ZNF384: variants seen among roughly 807,000 people sequenced by gnomAD.
ZNF384 encodes CAG repeat protein 1.
In ZNF384, 20 loss-of-function variants were observed where a neutral mutation model predicts 65.0. That is an observed-to-expected ratio of 0.31 (90% CI 0.22 to 0.45). The LOEUF is 0.45. ZNF384 is among the 20% of genes least tolerant of loss of function. ZNF384 has a pLI of 1.00. For missense variants in ZNF384, 549 were observed against 769.4 expected (o/e 0.71, Z 3.39); for synonymous variants, 310 against 303.9 (o/e 1.02, Z -0.21).
intron 7 of ZNF384, among the ~76,000 whole-genome samples, chr12:6,675,713 A>G (rs1953250673): frequency 6.6e-6 from 1 of 152,220 alleles, no homozygotes; most frequent in South Asian, 2.1e-4. Context: ...ATGCAATGCA[A>G]TGGCCTTGAT....
intron 2 of ZNF384, among the ~76,000 whole-genome samples, chr12:6,686,497 G>A (rs781565016): frequency 5.3e-5 from 8 of 152,140 alleles, no homozygotes; most frequent in Non-Finnish European, 8.8e-5. Flanking sequence ...CAGGTGATCC[G>A]CTCTCCTCAG....
Position 6,673,547 on chromosome 12 carries a change from T to C in ZNF384, c.780-107A>G. 2.2e-6 allele frequency: 2 copies of C among 890,554 alleles called. No homozygotes were observed. Among genetic ancestry groups the C allele is most frequent in the African/African-American group, 1.7e-5 (1 of 59,486 alleles). The allele number at this position is 890,554 out of a possible 1,614,324, so 55.2% of individuals were successfully genotyped here. ...CCCACCTATCTGAGGTCTCTCCTACTCCAACTTGAGAGTAGAGCTCTATAT... is the reference window on the plus strand; with the variant it reads ...CCCACCTATCTGAGGTCTCTCCTACCCCAACTTGAGAGTAGAGCTCTATAT... On this transcript the variant is annotated intron_variant, in intron 7 of 11. Transcript: ENST00000683879. The surrounding 1 kb of genome is among the most constrained non-coding windows in gnomAD (Gnocchi z 4.7).
chr12:6,677,044 T>C (rs1953912609), intron 7 of ZNF384, 123 bp downstream of exon 7: 4 of 327,696 alleles, frequency 1.2e-5, no homozygotes, highest in South Asian at 7.2e-5. Flanking sequence ...TAACTTTCTT[T>C]TGAAGTTCCC....
At chr12:6,686,028 G>A (rs1592425855) in intron 2 of ZNF384, among the ~76,000 whole-genome samples, 1 of 152,138 alleles carries the variant, frequency 6.6e-6, no homozygotes, top group South Asian at 2.1e-4. Flanking sequence ...ACCATCCAGG[G>A]ATAAAGATGA....
At chr12:6,686,652 G>C (rs1322306910) in intron 2 of ZNF384, among the ~76,000 whole-genome samples, 1 of 152,208 alleles carries the variant, frequency 6.6e-6, no homozygotes, top group Non-Finnish European at 1.5e-5. Context: ...TATCAGGATG[G>C]AGGATGGAAG....
chr12:6,687,564 C>T (rs556312099), intron 2 of ZNF384, among the ~76,000 whole-genome samples: 93 of 152,112 alleles, frequency 6.1e-4, no homozygotes, highest in Non-Finnish European at 1.2e-3. Context: ...TCAGGCTACC[C>T]GAAACTCTTC....
chr12:6,686,760 AAAG>A (rs1305104782), intron 2 of ZNF384, among the ~76,000 whole-genome samples: 1 of 152,224 alleles, frequency 6.6e-6, no homozygotes, highest in African/African-American at 2.4e-5. Context: ...GTGCTCCTGA[AAAG>A]AAGAGTTACA....
intron 11 of ZNF384, 151 bp from the exon 12 acceptor site, chr12:6,668,266 T>A: frequency 1.4e-6 from 1 of 740,640 alleles, no homozygotes. Context: ...CAAGTAGCAC[T>A]TTCAGTGGCT....
chr12:6,678,107 C>T lies in ZNF384; in HGVS notation c.686+20G>A, dbSNP rs747350448. ...AGCCAGGGATCCTCGCCCCATCCTG[C>T]CCCTGGCTCTGAGTCTTACCTGTAG... On this transcript the variant is annotated intron_variant, in intron 6 of 11. Transcript: ENST00000683879. The surrounding 1 kb of genome is among the most constrained non-coding windows in gnomAD (Gnocchi z 4.9). The T allele has an allele frequency of 2.5e-6, 4 of 1,595,518 alleles. No homozygotes were observed. The highest frequency in any genetic ancestry group is 3.4e-6 in the Non-Finnish European group (4 of 1,167,018).
intron 2 of ZNF384, among the ~76,000 whole-genome samples, chr12:6,685,147 AC>A (rs1957444174): frequency 1.3e-5 from 2 of 152,124 alleles, no homozygotes; most frequent in South Asian, 4.2e-4. Flanking sequence ...AAATAGGGAG[AC>A]CCTGTATCTA....
At position 6,673,468 on chromosome 12, in the gene ZNF384, A is replaced by T; in HGVS notation, c.780-28T>A. 1 of 1,600,076 alleles carries T rather than the reference A, an allele frequency of 6.2e-7. No individual in the cohort carries two copies. The highest frequency in any genetic ancestry group is 8.5e-7 in the Non-Finnish European group (1 of 1,170,820). ...GAGCCAAGTGAGGGCAATGGTTAGA[A>T]CCCTTCCCATCAAGAAGGTGTGGCT... On this transcript the variant is annotated intron_variant, in intron 7 of 11. Coordinates refer to ENST00000683879, the MANE Select transcript of ZNF384 (RefSeq NM_001385745.1). The surrounding 1 kb of genome is among the most constrained non-coding windows in gnomAD (Gnocchi z 4.7).
At position 6,682,712 on chromosome 12, in the gene ZNF384, T is replaced by C. The variant is rs115816223; in HGVS notation, c.-5-3187A>G. On this transcript the variant is annotated intron_variant, in intron 2 of 11. Coordinates refer to ENST00000683879, the MANE Select transcript of ZNF384 (RefSeq NM_001385745.1). ...TTCAGGCAACAGAATCAAGATACAA[T>C]CAGATCACAGTTTAAGAGAATTCAA... Among the ~76,000 whole-genome samples, 589 of 152,224 alleles carry C rather than the reference T, an allele frequency of 3.9e-3. 2 individuals carry two copies. Among genetic ancestry groups the C allele is most frequent in the African/African-American group, 0.014 (569 of 41,538 alleles).
In ZNF384 at chr12:6,672,512, G is replaced by A. The variant is rs746845348; in HGVS notation, c.1025C>T (p.Thr342Met). 66 of 1,613,926 alleles carry A rather than the reference G, an allele frequency of 4.1e-5. No individual in the cohort carries two copies. Among genetic ancestry groups the A allele is most frequent in the African/African-American group, 5.3e-5 (4 of 74,914 alleles). Residue 342 changes from threonine (T) to methionine (M), a missense_variant, in exon 9 of 12, where the codon ACG becomes ATG. Transcript: ENST00000683879. The surrounding 1 kb of genome is among the most constrained non-coding windows in gnomAD (Gnocchi z 4.4). ...QHTRIHSKMH[T>M]ETIKPHKCPH... ...GCACTTGTGGGGCTTGATGGTCTCC[G>A]TGTGCATCTTGGAGTGGATCCTGCC...
chr12:6,679,298 A>G, intron 3 of ZNF384, 115 bp from the exon 4 acceptor site: 1 of 1,231,488 alleles, frequency 8.1e-7, no homozygotes, highest in Non-Finnish European at 1.2e-6. Flanking sequence ...TGAGCACTTC[A>G]TACCTCTGGC....
chr12:6,686,364 C>T (rs1312121326), intron 2 of ZNF384, among the ~76,000 whole-genome samples: 1 of 152,210 alleles, frequency 6.6e-6, no homozygotes, highest in African/African-American at 2.4e-5. Context: ...AGCAATTCTC[C>T]TGCCTCAGCC....
Position 6,679,079 on chromosome 12 carries a change from G to A in ZNF384, c.171C>T (p.Ala57=). The change falls in exon 4 of 12, where the codon GCC becomes GCT. Residue 57 remains alanine (A), a synonymous_variant. Coordinates refer to ENST00000683879, the MANE Select transcript of ZNF384 (RefSeq NM_001385745.1). ...TGATGCCTGAGGGCAGGGACACTGA[G>A]GCAGGCACTGTCAGCAAGGTGGGGT... is the stretch of plus-strand genomic sequence containing the variant. ...PHYPTLLTVP[A]SVSLPSGISM... is the part of the protein sequence containing the mutation. The A allele has an allele frequency of 6.2e-7, 1 of 1,614,172 alleles. No homozygotes were observed. The highest frequency in any genetic ancestry group is 8.5e-7 in the Non-Finnish European group (1 of 1,180,000).
chr12:6,672,038 T>G lies in ZNF384; in HGVS notation c.1187+312A>C. 3 of 299,326 alleles carry G rather than the reference T, an allele frequency of 1.0e-5. No individual in the cohort carries two copies. In the South Asian group the frequency reaches 1.3e-4, roughly 13 times the overall value. The allele number at this position is 299,326 out of a possible 1,614,324, so 18.5% of individuals were successfully genotyped here. On this transcript the variant is annotated intron_variant, in intron 9 of 11. Transcript: ENST00000683879. The surrounding 1 kb of genome is among the most constrained non-coding windows in gnomAD (Gnocchi z 4.4). The stretch of plus-strand genomic sequence containing the variant: ...CAAGGGGCAAATCTTCCAAGATGGG[T>G]ACATGAGTATTTTCAGGGAGGAAAA...
At chr12:6,684,371 T>C (rs1370755602) in intron 2 of ZNF384, among the ~76,000 whole-genome samples, 4 of 152,154 alleles carry the variant, frequency 2.6e-5, no homozygotes, top group Non-Finnish European at 5.9e-5. Flanking sequence ...TCCAGCTAGT[T>C]CTCAAAAAAT....
rs943401394 is a variant in ZNF384 at position 6,667,041 on chromosome 12, C to T, written c.*673G>A. 2.7e-5 allele frequency: 6 copies of T among 223,522 alleles called. No homozygotes were observed. The highest frequency in any genetic ancestry group is 9.0e-5 in the African/African-American group (4 of 44,582). 13.8% of individuals were successfully genotyped at this position (223,522 alleles called of 1,614,324 possible). ...GAAGGAGAGAGGCTTCAAGGAAATC[C>T]GTAAAACCATAACACACACTTCTAA... On this transcript the variant is annotated 3_prime_UTR_variant, in exon 12 of 12. Coordinates refer to ENST00000683879, the MANE Select transcript of ZNF384 (RefSeq NM_001385745.1).
Sources: gnomAD v4.1 joint callset for allele counts (sites outside exome capture counted in the v4.1 genomes callset) on GRCh38, gnomAD v4.1.1 for gene constraint, Gnocchi (gnomAD v3.1) non-coding constraint, MANE v1.5 for transcripts, NCBI Gene and HGNC (gene_info 2026-07-23, HGNC 2026-07-21) for gene names.